Variants in NEO1 observed in about 807,000 individuals in gnomAD.
NEO1 encodes the protein neogenin 1, also known as neogenin.
NEO1 carries 63 observed loss-of-function variants against 159.7 expected under a neutral mutation model. The observed-to-expected ratio is 0.39, with a 90% confidence interval of 0.32 to 0.49. The LOEUF (loss-of-function observed/expected upper bound fraction) is 0.49, where lower values mean the gene tolerates loss of function less well. Among genes scored for constraint, NEO1 ranks in the 20% least tolerant of loss-of-function variants. The probability of loss-of-function intolerance (pLI) is 0.85; values close to 1 mark genes in which losing one functional copy is unlikely to be tolerated. For missense variants in NEO1, 1,615 were observed against 1,831.0 expected, an observed-to-expected ratio of 0.88 and a Z score of 2.15; for synonymous variants, 633 against 662.0, an observed-to-expected ratio of 0.96 and a Z score of 0.67.
In NEO1 at chr15:73,301,363, G is replaced by A. The variant is rs1339993734; in HGVS notation, c.4208G>A (p.Gly1403Glu). ...CACTCAGTGAAGACAGCCTCCATCG[G>A]GACTCTAGGAAGGAGCCGGCCTCCT... is the stretch of plus-strand genomic sequence containing the variant. ...HIHSVKTASI[G>E]TLGRSRPPMP... Residue 1403 changes from glycine to glutamate, a missense_variant, in exon 28 of 29, where the codon GGG becomes GAG. By Grantham distance (98) the Gly-to-Glu change is moderately conservative. Transcript: ENST00000261908. 1 of 1,614,006 alleles carries A rather than the reference G, an allele frequency of 6.2e-7. No homozygotes were observed. The highest frequency in any genetic ancestry group is 1.3e-5 in the African/African-American group (1 of 74,888).
At position 73,178,563 on chromosome 15, in the gene NEO1, A is replaced by T. The variant is rs904386022; in HGVS notation, c.1291+136A>T. ...GCATAGCTAAGAGAAAAAGAATAGC[A>T]GTCTAAATCATTTCTATTACATAAA... On this transcript the variant is annotated intron_variant, in intron 7 of 28. Coordinates refer to ENST00000261908, the MANE Select transcript of NEO1 (RefSeq NM_002499.4). 4 of 912,510 alleles carry T rather than the reference A, an allele frequency of 4.4e-6. No individual in the cohort carries two copies. The African/African-American group carries it at 6.8e-5, about 16-fold the overall frequency. The allele number at this position is 912,510 out of a possible 1,614,324, so 56.5% of individuals were successfully genotyped here. A position where few individuals can be genotyped will look rare whatever the true frequency, so the allele number is the denominator to read the frequency against.
At chr15:73,085,542 A>G (rs1231133390) in intron 1 of NEO1, among the ~76,000 whole-genome samples, 1 of 152,224 alleles carries the variant, frequency 6.6e-6, no homozygotes. Context: ...TTTATGAGAT[A>G]CTGCTCAGCT....
Position 73,127,801 on chromosome 15 carries a change from T to G in NEO1, c.878+1231T>G, listed in dbSNP as rs114822075. The stretch of plus-strand genomic sequence containing the variant: ...AGTTTATGTTTAGTGGGAAACATTT[T>G]AACACAGCTTTAGCTTGTACATTTA... On this transcript the variant is annotated intron_variant, in intron 4 of 28. Transcript: ENST00000261908. Among the ~76,000 whole-genome samples the G allele has an allele frequency of 8.6e-3, 1,309 of 152,346 alleles. 19 individuals carry two copies. The highest frequency in any genetic ancestry group is 0.03 in the African/African-American group (1,236 of 41,572).
chr15:73,127,039 G>A (rs2030356463), intron 4 of NEO1, among the ~76,000 whole-genome samples: 1 of 152,082 alleles, frequency 6.6e-6, no homozygotes, highest in Admixed American at 6.5e-5. Context: ...AGACCATCCT[G>A]GCTAACACGG....
intron 15 of NEO1, among the ~76,000 whole-genome samples, chr15:73,261,747 A>G (rs1418275542): frequency 6.6e-6 from 1 of 152,214 alleles, no homozygotes; most frequent in East Asian, 1.9e-4. Flanking sequence ...GTGCAGTCCA[A>G]GAAAAGTCAC....
intron 15 of NEO1, among the ~76,000 whole-genome samples, chr15:73,261,534 C>G (rs1441289058): frequency 1.3e-5 from 2 of 152,022 alleles, no homozygotes; most frequent in Non-Finnish European, 2.9e-5. Context: ...TAATAATAAG[C>G]AGTTGGAAAT....
At chr15:73,174,183 A>G (rs2035148188) in intron 5 of NEO1, among the ~76,000 whole-genome samples, 1 of 152,224 alleles carries the variant, frequency 6.6e-6, no homozygotes, top group African/African-American at 2.4e-5. Flanking sequence ...AAAATAGTAA[A>G]TATAGGGATT....
At chr15:73,181,733 C>A (rs939011434) in intron 7 of NEO1, among the ~76,000 whole-genome samples, 20 of 152,122 alleles carry the variant, frequency 1.3e-4, no homozygotes, top group Non-Finnish European at 2.9e-5. Flanking sequence ...AAACACCTCC[C>A]CAGGTTCCAC....
intron 7 of NEO1, among the ~76,000 whole-genome samples, chr15:73,186,217 GT>G (rs1369660495): frequency 2.6e-5 from 4 of 151,108 alleles, no homozygotes; most frequent in Non-Finnish European, 5.9e-5. Context: ...GTAGTTTTTA[GT>G]TTAAAAAAAA....
intron 4 of NEO1, among the ~76,000 whole-genome samples, chr15:73,133,511 G>T (rs996374895): frequency 6.6e-6 from 1 of 152,158 alleles, no homozygotes; most frequent in Non-Finnish European, 1.5e-5. Context: ...ACTTTTTCAT[G>T]TAACCAAACG....
At chr15:73,241,524 C>T (rs2039485759) in intron 8 of NEO1, among the ~76,000 whole-genome samples, 1 of 152,140 alleles carries the variant, frequency 6.6e-6, no homozygotes, top group Non-Finnish European at 1.5e-5. Context: ...TCGTTTAATA[C>T]ATAAAGAAAG....
intron 6 of NEO1, among the ~76,000 whole-genome samples, chr15:73,177,815 A>G (rs1183030407): frequency 1.3e-5 from 2 of 152,204 alleles, no homozygotes; most frequent in African/African-American, 4.8e-5. Flanking sequence ...TGCTGGGGTT[A>G]CAGGTGTGAG....
chr15:73,212,298 T>C (rs2037626790), intron 7 of NEO1, among the ~76,000 whole-genome samples: 1 of 152,216 alleles, frequency 6.6e-6, no homozygotes, highest in Non-Finnish European at 1.5e-5. Flanking sequence ...GTGCTGCTGA[T>C]TCCTGAAGGT....
chr15:73,196,325 A>G (rs1159203831), intron 7 of NEO1, among the ~76,000 whole-genome samples: 3 of 152,180 alleles, frequency 2.0e-5, no homozygotes, highest in African/African-American at 4.8e-5. Flanking sequence ...ACTTCCTCCA[A>G]TTGTTTATAT....
chr15:73,169,786 A>G (rs1378266972), intron 5 of NEO1, among the ~76,000 whole-genome samples: 1 of 151,546 alleles, frequency 6.6e-6, no homozygotes, highest in Non-Finnish European at 1.5e-5. Context: ...GTACCTTAGT[A>G]GTTAAGAGTA....
intron 5 of NEO1, among the ~76,000 whole-genome samples, chr15:73,152,466 C>T (rs940219076): frequency 3.9e-5 from 6 of 152,130 alleles, no homozygotes; most frequent in African/African-American, 1.4e-4. Flanking sequence ...GACATGGAAG[C>T]TCTGCGCCCC....
In NEO1 at chr15:73,176,440, T is replaced by C. The variant is rs1305219059; in HGVS notation, c.1053T>C (p.Tyr351=). 6.2e-7 allele frequency: 1 copy of C among 1,605,304 alleles called. No individual in the cohort carries two copies. The highest frequency in any genetic ancestry group is 8.5e-7 in the Non-Finnish European group (1 of 1,175,552). ...PEFLKQPTNI[Y]AHESMDIVFE... ...TCCTGAAGCAGCCTACTAATATATATGCTCACGAATCTATGGATATTGTAT... is the reference window on the plus strand; with the variant it reads ...TCCTGAAGCAGCCTACTAATATATACGCTCACGAATCTATGGATATTGTAT... The change falls in exon 6 of 29, where the codon TAT becomes TAC. Residue 351 remains tyrosine (Y), a synonymous_variant. Transcript: ENST00000261908.
At chr15:73,060,238 A>G (rs1254653370) in intron 1 of NEO1, among the ~76,000 whole-genome samples, 1 of 152,062 alleles carries the variant, frequency 6.6e-6, no homozygotes. Flanking sequence ...AGTTGGAGGT[A>G]GGATAACTAG....
intron 12 of NEO1, among the ~76,000 whole-genome samples, chr15:73,253,816 C>T (rs761454748): frequency 6.6e-6 from 1 of 152,060 alleles, no homozygotes; most frequent in African/African-American, 2.4e-5. Flanking sequence ...CTTAGTGGTA[C>T]GGCAGAAGGA....
Sources: allele counts gnomAD v4.1 joint callset (sites outside exome capture counted in the v4.1 genomes callset), GRCh38; gene constraint gnomAD v4.1.1; transcripts MANE v1.5; gene names NCBI Gene and HGNC (gene_info 2026-07-23, HGNC 2026-07-21).